The following SLIT3 variants were observed in gnomAD, a reference collection of about 807,000 sequenced individuals.
SLIT3 encodes slit homolog 3 protein.
A neutral mutation model predicts 184.0 loss-of-function variants in SLIT3; 68 were observed. That is an observed-to-expected ratio of 0.37 (90% CI 0.30 to 0.45). The LOEUF (loss-of-function observed/expected upper bound fraction) is 0.45. Among genes scored for constraint, SLIT3 ranks in the 20% least tolerant of loss-of-function variants. The pLI is 1.00. For synonymous variants in SLIT3, 831 were observed against 828.6 expected, an observed-to-expected ratio of 1.00 and a Z score of -0.05; for missense variants, 1,707 against 2,026.0, an observed-to-expected ratio of 0.84 and a Z score of 3.02.
chr5:169,180,172 G>A (rs1297009688), intron 4 of SLIT3, among the ~76,000 whole-genome samples: 6 of 152,126 alleles, frequency 3.9e-5, no homozygotes, highest in African/African-American at 1.2e-4. Context: ...ATTTCAGGAA[G>A]GATCTGGCCA....
At chr5:169,183,537 C>G (rs1354750141) in intron 4 of SLIT3, among the ~76,000 whole-genome samples, 1 of 152,156 alleles carries the variant, frequency 6.6e-6, no homozygotes, top group Non-Finnish European at 1.5e-5. Context: ...AAAGGTTGGT[C>G]TGATTTCCTT....
At position 169,193,539 on chromosome 5, in the gene SLIT3, T is replaced by C; in HGVS notation, c.353A>G (p.Lys118Arg). The change falls in exon 4 of 36, where the codon AAG becomes AGG. Residue 118 changes from lysine to arginine, a missense_variant. Transcript: ENST00000519560. The part of the protein sequence containing the change: ...LKQLERLRLN[K>R]NKLQVLPELL... ...TTCTGGAAGGACTTGCAGCTTATTC[T>C]TGTTCAGGCGCCTAAAGAGGAAAGA... 6.2e-7 allele frequency: 1 copy of C among 1,614,018 alleles called. No homozygotes were observed. Among genetic ancestry groups the C allele is most frequent in the Non-Finnish European group, 8.5e-7 (1 of 1,179,932 alleles).
At chr5:169,193,395 G>GCACGGCGCTC in intron 4 of SLIT3, 84 bp downstream of exon 4, 1 of 1,148,568 alleles carries the variant, frequency 8.7e-7, no homozygotes, top group Non-Finnish European at 1.3e-6. Flanking sequence ...GCTCCACACG[G>GCACGGCGCTC]CACGGCGCTC....
chr5:168,887,052 G>A (rs532039657), intron 4 of SLIT3, among the ~76,000 whole-genome samples: 55 of 152,068 alleles, frequency 3.6e-4, no homozygotes, highest in African/African-American at 1.3e-3. Context: ...CCTTGAAATG[G>A]GAACTGCAGA....
chr5:169,121,078 A>T (rs1760855528), intron 4 of SLIT3, among the ~76,000 whole-genome samples: 1 of 152,210 alleles, frequency 6.6e-6, no homozygotes, highest in South Asian at 2.1e-4. Flanking sequence ...CACACCTAGT[A>T]CATGGTAGGG....
intron 4 of SLIT3, among the ~76,000 whole-genome samples, chr5:169,002,551 C>T (rs978699473): frequency 6.6e-6 from 1 of 151,774 alleles, no homozygotes; most frequent in Non-Finnish European, 1.5e-5. Context: ...CCACAGGGAG[C>T]CATTGTGTAG....
chr5:168,994,551 G>T lies in SLIT3; in HGVS notation c.414-111215C>A, dbSNP rs138898685. 2.7e-5 allele frequency among the ~76,000 whole-genome samples: 4 copies of T among 146,930 alleles called. No homozygotes were observed. In the East Asian group the frequency reaches 8.0e-4, roughly 30 times the overall value. On this transcript the variant is annotated intron_variant, in intron 4 of 35. Transcript: ENST00000519560. The stretch of plus-strand genomic sequence containing the variant: ...TCCAAGGCTAACAGCTTTGCCATTC[G>T]CTGGTCAAAGTGGTTACAAACAGAA...
intron 6 of SLIT3, among the ~76,000 whole-genome samples, chr5:168,840,327 G>T (rs556219793): frequency 6.6e-6 from 1 of 151,986 alleles, no homozygotes; most frequent in Non-Finnish European, 1.5e-5. Flanking sequence ...ATGTCCAAAA[G>T]TATTTTTTAT....
chr5:169,014,116 C>CAGGCAGGCAGGT (rs1756273049), intron 4 of SLIT3, among the ~76,000 whole-genome samples: 1 of 152,084 alleles, frequency 6.6e-6, no homozygotes, highest in African/African-American at 2.4e-5. Flanking sequence ...GGCAGGCAGG[C>CAGGCAGGCAGGT]AGGCAGGCAG....
intron 10 of SLIT3, chr5:168,789,888 CGAG>C (rs1756298895): frequency 2.3e-6 from 1 of 439,626 alleles, no homozygotes; most frequent in Admixed American, 3.9e-5. Context: ...CATCGGGACA[CGAG>C]GCTGTGAACA....
At chr5:168,831,653 A>G (rs1028502709) in intron 6 of SLIT3, among the ~76,000 whole-genome samples, 1 of 152,162 alleles carries the variant, frequency 6.6e-6, no homozygotes, top group Admixed American at 6.5e-5. Flanking sequence ...CTCTAAAGTG[A>G]TTTGGCACCG....
intron 16 of SLIT3, among the ~76,000 whole-genome samples, chr5:168,755,247 T>C (rs996969436): frequency 1.3e-5 from 2 of 152,174 alleles, no homozygotes; most frequent in Admixed American, 6.5e-5. Context: ...TTCTGGCATA[T>C]CAAATGTACT....
intron 4 of SLIT3, among the ~76,000 whole-genome samples, chr5:169,109,379 C>T (rs181638967): frequency 1.3e-5 from 2 of 152,316 alleles, no homozygotes; most frequent in East Asian, 3.9e-4. Context: ...CTGCCAACAA[C>T]TGAATGAGCT....
chr5:169,075,797 T>C (rs552017191), intron 4 of SLIT3, among the ~76,000 whole-genome samples: 2 of 152,382 alleles, frequency 1.3e-5, no homozygotes, highest in African/African-American at 4.8e-5. Flanking sequence ...GGATTTCATC[T>C]AGTACTTTCT....
At position 168,712,344 on chromosome 5, in the gene SLIT3, C is replaced by G. The variant is rs1372495815; in HGVS notation, c.2494G>C (p.Gly832Arg). The G allele has an allele frequency of 6.2e-7, 1 of 1,614,152 alleles. No individual in the cohort carries two copies. The highest frequency in any genetic ancestry group is 8.5e-7 in the Non-Finnish European group (1 of 1,180,016). Residue 832 changes from glycine (G) to arginine (R), a missense_variant, in exon 24 of 36, where the codon GGC (glycine) becomes CGC (arginine). This residue lies in a region of SLIT3 where 1,307 missense variants were observed against 1,511.6 expected (regional missense o/e 0.86). Coordinates refer to ENST00000519560, the MANE Select transcript of SLIT3 (RefSeq NM_003062.4). ...TCAGGAACGCTGGAAATGTCATTGC[C>G]ATGGAGGGTTCTGAAGCAGAGGGCA... ...LRSLRVLTLH[G>R]NDISSVPEGS...
intron 23 of SLIT3, chr5:168,712,704 A>G (rs1762596491): frequency 4.6e-6 from 1 of 217,672 alleles, no homozygotes; most frequent in Non-Finnish European, 9.3e-6. Flanking sequence ...GACCCAAGGG[A>G]GTTACTGGAG....
intron 4 of SLIT3, among the ~76,000 whole-genome samples, chr5:169,084,973 TG>T (rs1759231690): frequency 6.6e-6 from 1 of 151,894 alleles, no homozygotes; most frequent in African/African-American, 2.4e-5. Flanking sequence ...CCAGCAGGAG[TG>T]TCTAATCCCT....
intron 4 of SLIT3, among the ~76,000 whole-genome samples, chr5:168,884,458 C>G (rs1760097551): frequency 7.1e-6 from 1 of 140,540 alleles, no homozygotes; most frequent in African/African-American, 2.6e-5. Flanking sequence ...GCTATACATA[C>G]ACATTATTTT....
intron 23 of SLIT3, among the ~76,000 whole-genome samples, chr5:168,716,077 C>T (rs1024807956): frequency 1.6e-4 from 24 of 152,358 alleles, no homozygotes; most frequent in Admixed American, 7.2e-4. Context: ...AAGCGATTCT[C>T]CTGCCTCAGC....
Sources: gnomAD v4.1 joint callset for allele counts (sites outside exome capture counted in the v4.1 genomes callset) on GRCh38, gnomAD v4.1.1 for gene constraint, gnomAD v4.1.1 regional missense constraint, MANE v1.5 for transcripts, NCBI Gene and HGNC (gene_info 2026-07-23, HGNC 2026-07-21) for gene names.